TMEM43: variants seen among roughly 807,000 people sequenced by gnomAD.
TMEM43 encodes arrhythmogenic right ventricular dysplasia 5.
Under a neutral mutation model 49.6 loss-of-function variants are expected in TMEM43, and 45 were observed. The observed-to-expected ratio is 0.91, with a 90% CI of 0.71 to 1.16. The LOEUF (loss-of-function observed/expected upper bound fraction) is 1.16, where lower values mean the gene tolerates loss of function less well. TMEM43 is among the 50% of genes most tolerant of loss of function. The probability of loss-of-function intolerance (pLI) is 0.00; values close to 1 mark genes in which losing one functional copy is unlikely to be tolerated. For synonymous variants in TMEM43, 199 were observed against 207.8 expected (o/e 0.96, Z 0.36); for missense variants, 532 against 516.6 (o/e 1.03, Z -0.29).
At chr3:14,127,072 A>G (rs1004963377) in intron 1 of TMEM43, among the ~76,000 whole-genome samples, 4 of 152,128 alleles carry the variant, frequency 2.6e-5, no homozygotes, top group African/African-American at 9.7e-5. Context: ...CATTTCTTCT[A>G]AGTCCTGAGT....
chr3:14,130,311 G>C (rs1695076572), intron 2 of TMEM43, among the ~76,000 whole-genome samples: 1 of 151,984 alleles, frequency 6.6e-6, no homozygotes, highest in Non-Finnish European at 1.5e-5. Flanking sequence ...CCAGGGTTCA[G>C]ATAGACTCAG....
In TMEM43 at chr3:14,141,702, C is replaced by G. The variant is rs768357650; in HGVS notation, c.1110C>G (p.Phe370Leu). ...TLLTVAAGWL[F>L]YRPLWALLIA... ...TGACCGTGGCGGCTGGCTGGCTCTT[C>G]TACCGACCCCTGTGGGCCCTCCTCA... Residue 370 changes from phenylalanine to leucine, a missense_variant, in exon 12 of 12, where the codon TTC (phenylalanine) becomes TTG (leucine). By Grantham distance (22) the Phe-to-Leu change is conservative (BLOSUM62 0). Transcript: ENST00000306077. The G allele has an allele frequency of 6.2e-7, 1 of 1,614,190 alleles. No individual in the cohort carries two copies. Among genetic ancestry groups the G allele is most frequent in the South Asian group, 1.1e-5 (1 of 91,066 alleles).
At chr3:14,131,987 C>T (rs1163350731) in intron 4 of TMEM43, among the ~76,000 whole-genome samples, 2 of 152,110 alleles carry the variant, frequency 1.3e-5, no homozygotes, top group Non-Finnish European at 2.9e-5. Flanking sequence ...ATGTCAACCC[C>T]GAGACCCCAC....
At chr3:14,135,427 C>T (rs1215705103) in intron 9 of TMEM43, among the ~76,000 whole-genome samples, 195 bp downstream of exon 9, 1 of 152,154 alleles carries the variant, frequency 6.6e-6, no homozygotes, top group Non-Finnish European at 1.5e-5. Flanking sequence ...CCATGGACCC[C>T]ACGTTAAGAA....
At chr3:14,139,371 A>C in intron 11 of TMEM43, 74 bp downstream of exon 11, 25 of 1,043,356 alleles carry the variant, frequency 2.4e-5, no homozygotes, top group East Asian at 4.7e-5. Flanking sequence ...GCATCATCTC[A>C]GCCCTTCCAG....
chr3:14,125,877 C>T (rs562243329), intron 1 of TMEM43, among the ~76,000 whole-genome samples: 26 of 152,294 alleles, frequency 1.7e-4, no homozygotes, highest in Non-Finnish European at 3.5e-4. Context: ...TAGCCTTTCT[C>T]GGGAAACTAT....
chr3:14,141,788 T>TG lies in TMEM43; in HGVS notation c.1198dup (p.Glu400GlyfsTer24), dbSNP rs1559363778. 1.2e-6 allele frequency: 2 copies of TG among 1,613,364 alleles called. No individual in the cohort carries two copies. The highest frequency in any genetic ancestry group is 1.7e-6 in the Non-Finnish European group (2 of 1,179,992). On this transcript the variant is annotated frameshift_variant, in exon 12 of 12. Coordinates refer to ENST00000306077, the MANE Select transcript of TMEM43 (RefSeq NM_024334.3). LOFTEE classifies it high-confidence loss of function. ...CGGACACGGGTGCCAGCCAAAAAGT[T>TG]GGAGTGAAAAGACCCTGGCACCCGC...
intron 6 of TMEM43, 87 bp from the exon 7 acceptor site, chr3:14,133,652 G>C: frequency 1.6e-6 from 2 of 1,274,902 alleles, no homozygotes; most frequent in Non-Finnish European, 2.3e-6. Flanking sequence ...CCCCCGGGTG[G>C]GGACCCTGCC....
Position 14,125,058 on chromosome 3 carries a change from A to G in TMEM43, c.-136A>G. ...GGCACAGGGGGAGGTAACTGCAGTA[A>G]GTCCCGCTTGGCCCTGGAGTCCACG... On this transcript the variant is annotated 5_prime_UTR_variant, in exon 1 of 12. Coordinates refer to ENST00000306077, the MANE Select transcript of TMEM43 (RefSeq NM_024334.3). The G allele has an allele frequency of 1.7e-6, 2 of 1,147,554 alleles. No individual in the cohort carries two copies. The highest frequency in any genetic ancestry group is 2.5e-6 in the Non-Finnish European group (2 of 785,472). 71.1% of individuals were successfully genotyped at this position (1,147,554 alleles called of 1,614,324 possible). A position where few individuals can be genotyped will look rare whatever the true frequency, so the allele number is the denominator to read the frequency against.
At chr3:14,137,944 C>G (rs975857317) in intron 10 of TMEM43, 1 of 152,212 alleles carries the variant, frequency 6.6e-6, no homozygotes, top group African/African-American at 2.4e-5. Flanking sequence ...CTCAGAGCCT[C>G]AGTTTCATCA....
In TMEM43 at chr3:14,135,203, G is replaced by A. The variant is rs375481688; in HGVS notation, c.751G>A (p.Asp251Asn). The A allele has an allele frequency of 1.3e-5, 21 of 1,612,470 alleles. No individual in the cohort carries two copies. The highest frequency in any genetic ancestry group is 3.3e-5 in the South Asian group (3 of 91,080). Residue 251 changes from aspartate to asparagine, a missense_variant, in exon 9 of 12, where the codon GAT becomes AAT. Asp to Asn is a conservative substitution (Grantham distance 23). Coordinates refer to ENST00000306077, the MANE Select transcript of TMEM43 (RefSeq NM_024334.3). ...VSFSYAGLSGDDPDLGPAHVV... is the reference protein window; with the variant it reads ...VSFSYAGLSGNDPDLGPAHVV... ...CTTTTCCTATGCTGGACTGAGCGGC[G>A]ATGACCCTGACCTGGGCCCAGCTCA...
Position 14,141,659 on chromosome 3 carries a change from C to T in TMEM43, c.1067C>T (p.Ala356Val), listed in dbSNP as rs1465084342. ...CTGAAAGCCTTTGCCTTCTGTGTGGCCACCTCGCTGACCCTGCTGACCGTG... is the reference window on the plus strand; with the variant it reads ...CTGAAAGCCTTTGCCTTCTGTGTGGTCACCTCGCTGACCCTGCTGACCGTG... ...IGLKAFAFCVATSLTLLTVAA... is the reference protein window; with the variant it reads ...IGLKAFAFCVVTSLTLLTVAA... Residue 356 changes from alanine (A) to valine (V), a missense_variant, in exon 12 of 12, where the codon GCC becomes GTC. Ala to Val is a moderately conservative substitution (Grantham distance 64). Coordinates refer to ENST00000306077, the MANE Select transcript of TMEM43 (RefSeq NM_024334.3). 1 of 1,614,110 alleles carries T rather than the reference C, an allele frequency of 6.2e-7. No homozygotes were observed. The highest frequency in any genetic ancestry group is 1.3e-5 in the African/African-American group (1 of 74,934).
At chr3:14,138,106 A>G (rs1183997509) in intron 10 of TMEM43, 3 of 152,244 alleles carry the variant, frequency 2.0e-5, no homozygotes, top group Non-Finnish European at 4.4e-5. Context: ...GGCCCGATTC[A>G]GATCAGAGGG....
chr3:14,138,841 G>A (rs184367774), intron 10 of TMEM43, among the ~76,000 whole-genome samples: 125 of 152,342 alleles, frequency 8.2e-4, no homozygotes, highest in Non-Finnish European at 1.5e-3. Flanking sequence ...CACACATAGC[G>A]CAGAGCATGC....
intron 6 of TMEM43, 69 bp downstream of exon 6, chr3:14,133,004 C>A: frequency 7.6e-7 from 1 of 1,308,444 alleles, no homozygotes; most frequent in Non-Finnish European, 1.1e-6. Flanking sequence ...TCAGTTTCTT[C>A]ATCTGAATAA....
chr3:14,138,040 A>C (rs1005612167), intron 10 of TMEM43: 73 of 152,336 alleles, frequency 4.8e-4, no homozygotes, highest in African/African-American at 1.7e-3. Flanking sequence ...GACAGTATCA[A>C]ATAAATGGTG....
At chr3:14,133,034 C>T in intron 6 of TMEM43, 99 bp downstream of exon 6, 1 of 1,061,248 alleles carries the variant, frequency 9.4e-7, no homozygotes, top group Admixed American at 1.8e-5. Flanking sequence ...GTTAATCCTG[C>T]CTCGTGGGTT....
At chr3:14,139,028 T>C in intron 10 of TMEM43, 152 bp from the exon 11 acceptor site, 1 of 678,904 alleles carries the variant, frequency 1.5e-6, no homozygotes, top group South Asian at 1.6e-5. Flanking sequence ...CAGAAGGACT[T>C]AGCCCTATAG....
chr3:14,140,384 A>G (rs917257128), intron 11 of TMEM43, among the ~76,000 whole-genome samples: 8 of 151,608 alleles, frequency 5.3e-5, no homozygotes, highest in African/African-American at 1.9e-4. Flanking sequence ...AATTCACTCT[A>G]CGTCTGGAAT....
Sources: gnomAD v4.1 joint callset for allele counts (sites outside exome capture counted in the v4.1 genomes callset) on GRCh38, gnomAD v4.1.1 for gene constraint, MANE v1.5 for transcripts, NCBI Gene and HGNC (gene_info 2026-07-23, HGNC 2026-07-21) for gene names.